The following FBXO34 variants were observed in gnomAD, a reference collection of about 807,000 sequenced individuals.
FBXO34 encodes F-box protein 34.
In FBXO34, 12 loss-of-function variants were observed where a neutral mutation model predicts 24.5. That is an observed-to-expected ratio of 0.49 (90% confidence interval 0.31 to 0.79). FBXO34 has a LOEUF of 0.79. Among genes scored for constraint, FBXO34 ranks in the 30% least tolerant of loss-of-function variants. The probability of loss-of-function intolerance (pLI) is 0.04; values close to 1 mark genes in which losing one functional copy is unlikely to be tolerated. For synonymous variants in FBXO34, 320 were observed against 311.9 expected (o/e 1.03, Z -0.27); for missense variants, 823 against 857.7 (o/e 0.96, Z 0.51).
the FBXO34 span, among the ~76,000 whole-genome samples, chr14:55,383,880 A>G: frequency 6.6e-6 from 1 of 152,190 alleles, no homozygotes; most frequent in African/African-American, 2.4e-5. Context: ...TGGGATGCAC[A>G]AGGGAAGTGC....
chr14:55,403,535 T>C, the FBXO34 span, among the ~76,000 whole-genome samples: 16,674 of 152,094 alleles, frequency 0.11, 2,548 homozygotes, highest in African/African-American at 0.35. Context: ...GGGATAGTCA[T>C]ATATAATCTT....
chr14:55,399,461 A>G, the FBXO34 span, among the ~76,000 whole-genome samples: 1 of 152,274 alleles, frequency 6.6e-6, no homozygotes, highest in Non-Finnish European at 1.5e-5. Flanking sequence ...TCAGAAACCA[A>G]TGTGGAATGT....
At chr14:55,334,108 C>T (rs774692967) in intron 1 of FBXO34, among the ~76,000 whole-genome samples, 3 of 152,284 alleles carry the variant, frequency 2.0e-5, no homozygotes, top group East Asian at 3.9e-4. Context: ...AGCTGCTACA[C>T]AAGCCAGAGC....
the FBXO34 span, chr14:55,428,960 CGA>C: frequency 6.2e-7 from 1 of 1,614,038 alleles, no homozygotes; most frequent in African/African-American, 1.3e-5. Context: ...TGCTGCAAGT[CGA>C]GACTGCTCTT....
At chr14:55,387,022 C>CT in the FBXO34 span, among the ~76,000 whole-genome samples, 1 of 152,176 alleles carries the variant, frequency 6.6e-6, no homozygotes, top group Non-Finnish European at 1.5e-5. Flanking sequence ...CCAAGTCTGT[C>CT]TATCTAGGCC....
chr14:55,283,020 CT>C (rs907782899), intron 1 of FBXO34, among the ~76,000 whole-genome samples: 9 of 152,274 alleles, frequency 5.9e-5, no homozygotes, highest in Admixed American at 3.3e-4. Flanking sequence ...GTTGTCAGTA[CT>C]TTTTTACAAA....
At chr14:55,306,090 C>T (rs937435619) in intron 1 of FBXO34, among the ~76,000 whole-genome samples, 3 of 152,194 alleles carry the variant, frequency 2.0e-5, no homozygotes, top group Non-Finnish European at 4.4e-5. Flanking sequence ...CCTCTTTTCC[C>T]AGTCATTAAA....
the FBXO34 span, among the ~76,000 whole-genome samples, chr14:55,407,944 T>C: frequency 4.2e-4 from 64 of 152,150 alleles, no homozygotes; most frequent in African/African-American, 1.4e-3. Context: ...AAAAGCCCCA[T>C]TGGTGGAAGT....
intron 1 of FBXO34, among the ~76,000 whole-genome samples, chr14:55,277,462 A>T (rs1327385396): frequency 1.3e-5 from 2 of 151,720 alleles, no homozygotes; most frequent in Non-Finnish European, 2.9e-5. Context: ...TTGGGTCTAC[A>T]GGTGTGTGCC....
At chr14:55,327,114 GC>G (rs1883366755) in intron 1 of FBXO34, among the ~76,000 whole-genome samples, 1 of 152,158 alleles carries the variant, frequency 6.6e-6, no homozygotes, top group Non-Finnish European at 1.5e-5. Context: ...GTCAGGGAGT[GC>G]CTCTCTAAGA....
chr14:55,292,145 A>G (rs909885307), intron 1 of FBXO34, among the ~76,000 whole-genome samples: 2 of 152,098 alleles, frequency 1.3e-5, no homozygotes, highest in Non-Finnish European at 1.5e-5. Flanking sequence ...TTCTTTTTAT[A>G]TAATATTTTT....
At chr14:55,369,611 C>T (rs1008369905), downstream of FBXO34, 1 of 1,499,500 alleles carries the variant, frequency 6.7e-7, no homozygotes, top group African/African-American at 1.4e-5. Context: ...TGTTTTGGTC[C>T]ATGCTCGTTA....
the FBXO34 span, among the ~76,000 whole-genome samples, chr14:55,410,111 GATTGAC>G: frequency 6.6e-6 from 1 of 152,182 alleles, no homozygotes; most frequent in Non-Finnish European, 1.5e-5. Flanking sequence ...GGAACAATGA[GATTGAC>G]ATTTACTGGG....
At chr14:55,280,098 C>T (rs568591571) in intron 1 of FBXO34, among the ~76,000 whole-genome samples, 1 of 152,140 alleles carries the variant, frequency 6.6e-6, no homozygotes, top group Non-Finnish European at 1.5e-5. Context: ...TCTTCTCATC[C>T]TACTAGTATT....
the FBXO34 span, among the ~76,000 whole-genome samples, chr14:55,398,586 G>A: frequency 6.6e-6 from 1 of 152,048 alleles, no homozygotes; most frequent in Non-Finnish European, 1.5e-5. Flanking sequence ...GTAGCTTACT[G>A]TTATTGTTTC....
At chr14:55,333,581 G>A (rs1169544745) in intron 1 of FBXO34, among the ~76,000 whole-genome samples, 1 of 152,038 alleles carries the variant, frequency 6.6e-6, no homozygotes, top group Non-Finnish European at 1.5e-5. Context: ...AACTTAACAG[G>A]ATATAGTTTA....
downstream of FBXO34, among the ~76,000 whole-genome samples, chr14:55,372,058 A>G (rs1884831218): frequency 6.6e-6 from 1 of 151,896 alleles, no homozygotes; most frequent in Non-Finnish European, 1.5e-5. Context: ...TCTACTCTAG[A>G]GCCATCTTTT....
chr14:55,420,787 C>T, the FBXO34 span, among the ~76,000 whole-genome samples: 13 of 152,056 alleles, frequency 8.5e-5, no homozygotes, highest in East Asian at 2.1e-3. Context: ...GGGTTGGGTG[C>T]GGTGGCTCAC....
In FBXO34 at chr14:55,283,944, A is replaced by ATGTGTGTGTGTGTGTGTG. The variant is rs71131258; in HGVS notation, c.-11+12421_-11+12438dup. ...AAACGTGACTTTACATTCTAAGACT[A>ATGTGTGTGTGTGTGTGTG]TGTGTGTGTGTGTGTGTGTGTGTGT... On this transcript the variant is annotated intron_variant, in intron 1 of 1. Transcript: ENST00000313833. Among the ~76,000 whole-genome samples, 261 of 142,674 alleles carry ATGTGTGTGTGTGTGTGTG rather than the reference A, an allele frequency of 1.8e-3. 1 individual carries two copies. Among genetic ancestry groups the ATGTGTGTGTGTGTGTGTG allele is most frequent in the Middle Eastern group, 4.1e-3 (1 of 246 alleles). The allele number at this position is 142,674 out of a possible 152,430, so 93.6% of individuals were successfully genotyped here.
Sources: allele counts gnomAD v4.1 joint callset (sites outside exome capture counted in the v4.1 genomes callset), GRCh38; gene constraint gnomAD v4.1.1; transcripts MANE v1.5; gene names NCBI Gene and HGNC (gene_info 2026-07-23, HGNC 2026-07-21).